GRHL1: variants seen among roughly 807,000 people sequenced by gnomAD.
GRHL1 encodes grainyhead like transcription factor 1, also known as grainyhead-like protein 1 homolog.
In GRHL1, 38 loss-of-function variants were observed where a neutral mutation model predicts 75.7. The ratio of observed to expected loss-of-function variants is 0.50; its 90% CI spans 0.39 to 0.66. The LOEUF is 0.66. GRHL1 is among the 30% of genes least tolerant of loss of function. GRHL1 has a pLI of 0.00. For synonymous variants in GRHL1, 266 were observed against 279.4 expected (o/e 0.95, Z 0.48); for missense variants, 589 against 767.5 (o/e 0.77, Z 2.75).
In GRHL1 at chr2:9,954,968, C is replaced by T. The variant is rs1167437791; in HGVS notation, c.74C>T (p.Ser25Phe). ...GAAGCACTTTATCCACAGCGGCGGTCCTACACTAGTGAGGATGAGGCCTGG... is the reference window on the plus strand; with the variant it reads ...GAAGCACTTTATCCACAGCGGCGGTTCTACACTAGTGAGGATGAGGCCTGG... ...QNEALYPQRR[S>F]YTSEDEAWKS... The change falls in exon 2 of 16, where the codon TCC (serine) becomes TTC (phenylalanine). Residue 25 changes from serine to phenylalanine, a missense_variant. By Grantham distance (155) the Ser-to-Phe change is radical. Transcript: ENST00000324907. 1 of 1,613,114 alleles carries T rather than the reference C, an allele frequency of 6.2e-7. No individual in the cohort carries two copies. The highest frequency in any genetic ancestry group is 8.5e-7 in the Non-Finnish European group (1 of 1,179,174).
Position 9,998,603 on chromosome 2 carries a change from T to TAC in GRHL1, c.1678-361_1678-360insCA, listed in dbSNP as rs1328660270. On this transcript the variant is annotated intron_variant, in intron 14 of 15. Transcript: ENST00000324907. ...ATATGTACATATATATGTACACATA[T>TAC]ATATATACATATATATGTACACATA... 2.9e-3 allele frequency among the ~76,000 whole-genome samples: 158 copies of TAC among 55,364 alleles called. 43 individuals carry two copies. The highest frequency in any genetic ancestry group is 2.4e-3 in the South Asian group (6 of 2,476). 36.3% of individuals were successfully genotyped at this position (55,364 alleles called of 152,430 possible). A position where few individuals can be genotyped will look rare whatever the true frequency, so the allele number is the denominator to read the frequency against.
intron 3 of GRHL1, chr2:9,960,737 C>T (rs1667235911): frequency 3.9e-6 from 1 of 256,566 alleles, no homozygotes; most frequent in Non-Finnish European, 7.5e-6. Flanking sequence ...TTGATCAGAT[C>T]GCATAGCTTC....
At chr2:9,996,727 A>G (rs6720387) in intron 14 of GRHL1, among the ~76,000 whole-genome samples, 58,334 of 151,954 alleles carry the variant, frequency 0.38, 11,465 homozygotes, top group Admixed American at 0.47. Flanking sequence ...ATCAAGTACA[A>G]TCTTAAAAAC....
chr2:9,961,051 G>T lies in GRHL1; in HGVS notation c.284G>T (p.Ser95Ile). 1 of 1,538,760 alleles carries T rather than the reference G, an allele frequency of 6.5e-7. No individual in the cohort carries two copies. Among genetic ancestry groups the T allele is most frequent in the Non-Finnish European group, 8.8e-7 (1 of 1,138,668 alleles). Reference sequence around the variant, plus strand: ...GCAGTTTTCTTTTCTTAAAGAAACAGCATACCAATTGTGACAGAGCAGCCC... The same window carrying T: ...GCAGTTTTCTTTTCTTAAAGAAACATCATACCAATTGTGACAGAGCAGCCC... ...HPEPDHSKRN[S>I]IPIVTEQPLI... Residue 95 changes from serine (S) to isoleucine (I), a missense_variant, in exon 4 of 16, where the codon AGC becomes ATC. Transcript: ENST00000324907.
In GRHL1 at chr2:9,982,973, C is replaced by T. The variant is rs1273985359; in HGVS notation, c.1111-3151C>T. Among the ~76,000 whole-genome samples the T allele has an allele frequency of 2.6e-5, 4 of 152,130 alleles. No individual in the cohort carries two copies. The East Asian group carries it at 7.7e-4, about 29-fold the overall frequency. On this transcript the variant is annotated intron_variant, in intron 8 of 15. Coordinates refer to ENST00000324907, the MANE Select transcript of GRHL1 (RefSeq NM_198182.3). ...CCCTGCCCTTTGACAGGTAAGGACC[C>T]TTGCACTGGGTCGCAGTGCTTAGTT...
chr2:9,984,353 A>G (rs74404524), intron 8 of GRHL1, among the ~76,000 whole-genome samples: 3,974 of 152,194 alleles, frequency 0.026, 168 homozygotes, highest in African/African-American at 0.09. Context: ...GGCCAGTCTT[A>G]GTTTTAAAAA....
chr2:9,998,763 TATGTACAC>T (rs1318341770), intron 14 of GRHL1, among the ~76,000 whole-genome samples, 194 bp from the exon 15 acceptor site: 1,280 of 52,168 alleles, frequency 0.025, 408 homozygotes, highest in Non-Finnish European at 0.03. Flanking sequence ...TACGTATATA[TATGTACAC>T]ACATATATAC....
intron 5 of GRHL1, among the ~76,000 whole-genome samples, chr2:9,963,301 A>G (rs976490197): frequency 1.3e-5 from 2 of 152,222 alleles, no homozygotes; most frequent in African/African-American, 4.8e-5. Flanking sequence ...AAAAGCAGCC[A>G]TAGGTAATGT....
Position 9,992,187 on chromosome 2 carries a change from G to A in GRHL1, c.1461+41G>A. On this transcript the variant is annotated intron_variant, in intron 11 of 15. Transcript: ENST00000324907. This position sits in a 1 kb window ranked among gnomAD's most constrained non-coding sequence, Gnocchi z 4.6. The stretch of plus-strand genomic sequence containing the variant: ...CCCAGGGGAGGTTACCAGGAAGGAA[G>A]GCATGGCAAAAGGAAATTCTTTGGC... 1 of 1,587,606 alleles carries A rather than the reference G, an allele frequency of 6.3e-7. No individual in the cohort carries two copies. The highest frequency in any genetic ancestry group is 8.6e-7 in the Non-Finnish European group (1 of 1,165,736).
chr2:9,981,740 A>G (rs1325702906), intron 8 of GRHL1, among the ~76,000 whole-genome samples: 1 of 152,362 alleles, frequency 6.6e-6, no homozygotes, highest in Non-Finnish European at 1.5e-5. Context: ...CTTACTACCC[A>G]GTATGCATTT....
At chr2:9,976,750 T>A (rs1315685622) in intron 8 of GRHL1, among the ~76,000 whole-genome samples, 1 of 152,058 alleles carries the variant, frequency 6.6e-6, no homozygotes, top group Admixed American at 6.5e-5. Flanking sequence ...TTGAATAGAG[T>A]GGCATTTCTC....
chr2:9,952,836 G>C, intron 1 of GRHL1: 1 of 318,850 alleles, frequency 3.1e-6, no homozygotes, highest in South Asian at 2.6e-5. Context: ...GTTTTTGTCA[G>C]TGTGTTCTTT....
intron 15 of GRHL1, 86 bp from the exon 16 acceptor site, chr2:10,000,507 A>ACT: frequency 1.4e-6 from 1 of 707,024 alleles, no homozygotes; most frequent in Non-Finnish European, 2.6e-6. Flanking sequence ...TGCAACTAGT[A>ACT]AGTGGGAGAG....
Position 9,968,749 on chromosome 2 carries a change from C to G in GRHL1, c.1110+3368C>G, listed in dbSNP as rs1371928733. Among the ~76,000 whole-genome samples, 1 of 152,148 alleles carries G rather than the reference C, an allele frequency of 6.6e-6. No homozygotes were observed. Among genetic ancestry groups the G allele is most frequent in the African/African-American group, 2.4e-5 (1 of 41,438 alleles). On this transcript the variant is annotated intron_variant, in intron 8 of 15. Transcript: ENST00000324907. This position sits in a 1 kb window ranked among gnomAD's most constrained non-coding sequence, Gnocchi z 4.7. ...GGGAGAAAGATACACATAGACTCAG[C>G]TGGATCAACATTTTCTCTGGAGCCA...
At chr2:9,997,818 CA>C (rs150171875) in intron 14 of GRHL1, among the ~76,000 whole-genome samples, 27,820 of 126,664 alleles carry the variant, frequency 0.22, 2,566 homozygotes, top group African/African-American at 0.25. Context: ...GACTCCGTCT[CA>C]AAAAAAAAAA....
At chr2:9,982,218 C>T (rs1199627309) in intron 8 of GRHL1, among the ~76,000 whole-genome samples, 1 of 152,158 alleles carries the variant, frequency 6.6e-6, no homozygotes, top group Non-Finnish European at 1.5e-5. Context: ...ATAAAAATAT[C>T]TTAACTCTTT....
chr2:9,998,501 C>CAT (rs1553306855), intron 14 of GRHL1, among the ~76,000 whole-genome samples: 1 of 6,892 alleles, frequency 1.5e-4, no homozygotes, highest in Non-Finnish European at 2.3e-4. Flanking sequence ...CGTATATATA[C>CAT]ATATATATAC....
At chr2:9,981,749 T>C (rs1668206607) in intron 8 of GRHL1, among the ~76,000 whole-genome samples, 1 of 152,244 alleles carries the variant, frequency 6.6e-6, no homozygotes, top group Non-Finnish European at 1.5e-5. Flanking sequence ...CAGTATGCAT[T>C]TTCCTCCTTT....
chr2:9,996,795 A>G (rs1668879042), intron 14 of GRHL1, among the ~76,000 whole-genome samples: 1 of 152,226 alleles, frequency 6.6e-6, no homozygotes, highest in Non-Finnish European at 1.5e-5. Context: ...ATCCTAGGAA[A>G]TTACTGAACT....
Sources: allele counts gnomAD v4.1 joint callset (sites outside exome capture counted in the v4.1 genomes callset), GRCh38; gene constraint gnomAD v4.1.1; non-coding constraint Gnocchi (gnomAD v3.1); transcripts MANE v1.5; gene names NCBI Gene and HGNC (gene_info 2026-07-23, HGNC 2026-07-21).